The following SNX29 variants were observed in gnomAD, a reference collection of about 807,000 sequenced individuals.
The protein encoded by SNX29 is sorting nexin-29.
Under a neutral mutation model 102.1 loss-of-function variants are expected in SNX29, and 78 were observed. The observed-to-expected ratio is 0.76, with a 90% CI of 0.64 to 0.92. The LOEUF is 0.92. Among genes scored for constraint, SNX29 ranks in the 40% least tolerant of loss-of-function variants. The probability of loss-of-function intolerance (pLI) is 0.00; values close to 1 mark genes in which losing one functional copy is unlikely to be tolerated. For synonymous variants in SNX29, 580 were observed against 414.5 expected (o/e 1.40, Z -4.85); for missense variants, 1,280 against 1,061.7 (o/e 1.21, Z -2.86).
chr16:12,564,439 G>A (rs1017427275), intron 20 of SNX29, among the ~76,000 whole-genome samples: 2 of 152,158 alleles, frequency 1.3e-5, no homozygotes, highest in African/African-American at 2.4e-5. Context: ...TCATTTCACA[G>A]ATCAGAAAGC....
At chr16:12,476,907 T>C (rs562197130) in intron 18 of SNX29, among the ~76,000 whole-genome samples, 1 of 151,944 alleles carries the variant, frequency 6.6e-6, no homozygotes, top group African/African-American at 2.4e-5. Context: ...TTGACACTCA[T>C]GGAGTGTAAA....
chr16:12,305,402 C>T (rs765824093), intron 15 of SNX29, among the ~76,000 whole-genome samples: 5 of 152,184 alleles, frequency 3.3e-5, no homozygotes, highest in South Asian at 2.1e-4. Context: ...GGCACAGCGC[C>T]GAGGGCGTCA....
intron 18 of SNX29, among the ~76,000 whole-genome samples, chr16:12,462,016 T>TATATACAC (rs1555544564): frequency 4.6e-5 from 3 of 65,208 alleles, no homozygotes; most frequent in Non-Finnish European, 7.3e-5. Flanking sequence ...TATATATGTA[T>TATATACAC]ACACACACAC....
At chr16:12,458,609 C>T (rs965386167) in intron 18 of SNX29, among the ~76,000 whole-genome samples, 1 of 152,158 alleles carries the variant, frequency 6.6e-6, no homozygotes, top group African/African-American at 2.4e-5. Flanking sequence ...AAGGTTGTCC[C>T]AGCCAACAAT....
At chr16:12,036,408 C>G (rs1276705172) in intron 4 of SNX29, among the ~76,000 whole-genome samples, 1 of 148,638 alleles carries the variant, frequency 6.7e-6, no homozygotes, top group African/African-American at 2.5e-5. Context: ...CATCTCGGCT[C>G]ACTGCCAGCT....
At chr16:12,549,548 T>G (rs191853870) in intron 20 of SNX29, among the ~76,000 whole-genome samples, 1 of 111,438 alleles carries the variant, frequency 9.0e-6, no homozygotes, top group Non-Finnish European at 1.7e-5. Flanking sequence ...CAGTAAGGCA[T>G]GGAGTGGGCT....
chr16:12,523,723 G>C (rs954000311), intron 19 of SNX29, among the ~76,000 whole-genome samples: 2 of 152,186 alleles, frequency 1.3e-5, no homozygotes, highest in Non-Finnish European at 2.9e-5. Context: ...GGTGGGGTGG[G>C]GTCTGTAGGA....
chr16:12,435,170 C>G (rs1049067474), intron 18 of SNX29, among the ~76,000 whole-genome samples: 1 of 152,166 alleles, frequency 6.6e-6, no homozygotes, highest in Non-Finnish European at 1.5e-5. Context: ...CTCTGCCTCT[C>G]CGTCTTTCTT....
intron 18 of SNX29, among the ~76,000 whole-genome samples, chr16:12,424,581 A>G (rs1307261804): frequency 1.3e-5 from 2 of 152,214 alleles, no homozygotes; most frequent in African/African-American, 4.8e-5. Flanking sequence ...TAAGAGGCAG[A>G]AATAGCTTCA....
intron 17 of SNX29, among the ~76,000 whole-genome samples, chr16:12,402,634 C>T (rs1487706189): frequency 6.6e-6 from 1 of 152,194 alleles, no homozygotes; most frequent in East Asian, 1.9e-4. Flanking sequence ...TCACAGAAGA[C>T]AAAACAATCA....
intron 18 of SNX29, among the ~76,000 whole-genome samples, chr16:12,454,406 G>A (rs1057275998): frequency 3.3e-5 from 5 of 152,188 alleles, no homozygotes; most frequent in Non-Finnish European, 7.3e-5. Flanking sequence ...AACCAAATGC[G>A]ATTCCTACCT....
chr16:12,405,981 G>C (rs574603630), intron 18 of SNX29, among the ~76,000 whole-genome samples: 1 of 151,840 alleles, frequency 6.6e-6, no homozygotes, highest in Non-Finnish European at 1.5e-5. Context: ...GCAGTGAGCC[G>C]AGATCGCACC....
At chr16:12,495,486 G>C (rs1466779948) in intron 19 of SNX29, among the ~76,000 whole-genome samples, 1 of 152,200 alleles carries the variant, frequency 6.6e-6, no homozygotes, top group Non-Finnish European at 1.5e-5. Context: ...CTGTTTCTCA[G>C]CTACCCAGAA....
intron 16 of SNX29, among the ~76,000 whole-genome samples, chr16:12,381,378 T>TCCATCCAC (rs2083142156): frequency 2.0e-5 from 1 of 48,996 alleles, no homozygotes; most frequent in Admixed American, 2.8e-4. Context: ...CGACCCATCA[T>TCCATCCAC]CCACCCACCC....
rs556270637 is a variant in SNX29 at position 12,572,817 on chromosome 16, G to A, written c.*4188G>A. On this transcript the variant is annotated 3_prime_UTR_variant, in exon 21 of 21. Coordinates refer to ENST00000566228, the MANE Select transcript of SNX29 (RefSeq NM_032167.5). Reference sequence around the variant, plus strand: ...CCCCAGTACATCAGACTGGTTAGGAGGCATCCCAGAAGGGGCAGCCTCATG... The same window carrying A: ...CCCCAGTACATCAGACTGGTTAGGAAGCATCCCAGAAGGGGCAGCCTCATG... The A allele has an allele frequency of 9.4e-7, 1 of 1,063,846 alleles. No homozygotes were observed. Among genetic ancestry groups the A allele is most frequent in the Non-Finnish European group, 1.1e-6 (1 of 878,404 alleles). 65.9% of individuals were successfully genotyped at this position (1,063,846 alleles called of 1,614,324 possible). A position where few individuals can be genotyped will look rare whatever the true frequency, so the allele number is the denominator to read the frequency against.
In SNX29 at chr16:12,255,231, C is replaced by T. The variant is rs148717651; in HGVS notation, c.1679-22702C>T. The stretch of plus-strand genomic sequence containing the variant: ...ATTTTTTTGAGACTGAGTCTTGGTG[C>T]GACGCCCAGGCTGGAGCGCAATGGC... On this transcript the variant is annotated intron_variant, in intron 14 of 20. Transcript: ENST00000566228. Among the ~76,000 whole-genome samples, 395 of 152,064 alleles carry T rather than the reference C, an allele frequency of 2.6e-3. 2 individuals are homozygous for T. The highest frequency in any genetic ancestry group is 8.7e-3 in the African/African-American group (360 of 41,454).
intron 10 of SNX29, among the ~76,000 whole-genome samples, chr16:12,075,189 T>G (rs2051493050): frequency 6.6e-6 from 1 of 152,240 alleles, no homozygotes; most frequent in Admixed American, 6.5e-5. Context: ...CCGTCCAGCT[T>G]TGTTCCGTTG....
intron 16 of SNX29, among the ~76,000 whole-genome samples, chr16:12,361,653 T>G (rs534575114): frequency 6.6e-6 from 1 of 152,312 alleles, no homozygotes; most frequent in African/African-American, 2.4e-5. Flanking sequence ...GGATCTGACT[T>G]AAAAAATTAA....
rs1204437481 is a variant in SNX29, at chr16:12,524,799, G to T, written c.2276G>T (p.Ser759Ile). The change falls in exon 20 of 21, where the codon AGC (serine) becomes ATC (isoleucine). Residue 759 changes from serine to isoleucine, a missense_variant. By Grantham distance (142) the Ser-to-Ile change is moderately radical (BLOSUM62 -2). Transcript: ENST00000566228. ...CAGATGGTCCCCGAGTTCGCTGCCA[G>T]CCCCAAGAAGGAGACCCTCATCCAG... ...VIQMVPEFAA[S>I]PKKETLIQLM... The T allele has an allele frequency of 1.2e-6, 2 of 1,613,690 alleles. No individual in the cohort carries two copies. Among genetic ancestry groups the T allele is most frequent in the South Asian group, 2.2e-5 (2 of 91,052 alleles).
Sources: gnomAD v4.1 joint callset for allele counts (sites outside exome capture counted in the v4.1 genomes callset) on GRCh38, gnomAD v4.1.1 for gene constraint, MANE v1.5 for transcripts, NCBI Gene and HGNC (gene_info 2026-07-23, HGNC 2026-07-21) for gene names.